CTDSP1: variants seen among roughly 807,000 people sequenced by gnomAD.
The protein encoded by CTDSP1 is carboxy-terminal domain RNA polymerase II polypeptide A small phosphatase 1.
CTDSP1 carries 15 observed loss-of-function variants against 32.5 expected under a neutral mutation model. The ratio of observed to expected loss-of-function variants is 0.46; its 90% CI spans 0.31 to 0.71. The LOEUF (loss-of-function observed/expected upper bound fraction) is 0.71. Ranked by LOEUF, CTDSP1 falls within the 30% of genes least tolerant of loss-of-function variation. The pLI is 0.05. For synonymous variants in CTDSP1, 185 were observed against 145.4 expected, an observed-to-expected ratio of 1.27 and a Z score of -1.96; for missense variants, 294 against 351.1, an observed-to-expected ratio of 0.84 and a Z score of 1.30.
intron 2 of CTDSP1, 22 bp downstream of exon 2, chr2:218,401,734 CCACGGGGG>C: frequency 6.5e-7 from 1 of 1,534,492 alleles, no homozygotes; most frequent in Non-Finnish European, 8.8e-7. Flanking sequence ...CCAGGTGGGG[CCACGGGGG>C]CACCTGGACT....
At position 218,401,537 on chromosome 2, in the gene CTDSP1, C is replaced by T. The variant is rs2227248; in HGVS notation, c.68-27C>T. Reference sequence around the variant, plus strand: ...ATTCTGCAGGCCAGTGTGCACCGAGCCTCCAACTTGTGCCTCCCTACTTCA... The same window carrying T: ...ATTCTGCAGGCCAGTGTGCACCGAGTCTCCAACTTGTGCCTCCCTACTTCA... On this transcript the variant is annotated intron_variant, in intron 1 of 6. Coordinates refer to ENST00000273062, the MANE Select transcript of CTDSP1 (RefSeq NM_021198.3). 1.4e-5 allele frequency: 22 copies of T among 1,612,458 alleles called. No individual in the cohort carries two copies. In the Admixed American group the frequency reaches 3.2e-4, roughly 23 times the overall value.
At chr2:218,402,521 C>T (rs1308508552) in intron 4 of CTDSP1, 116 bp downstream of exon 4, 2 of 1,080,440 alleles carry the variant, frequency 1.9e-6, no homozygotes, top group African/African-American at 1.6e-5. Context: ...TGTCAGAGGC[C>T]CAGAGAGGGT....
chr2:218,403,503 C>T, intron 6 of CTDSP1, 86 bp downstream of exon 6: 1 of 1,304,042 alleles, frequency 7.7e-7, no homozygotes, highest in Non-Finnish European at 1.0e-6. Context: ...CCTCTTGGAT[C>T]CCCAGTTGGG....
chr2:218,402,183 C>T lies in CTDSP1; in HGVS notation c.289C>T (p.Leu97=), dbSNP rs1697179079. The T allele has an allele frequency of 6.2e-7, 1 of 1,613,664 alleles. No homozygotes were observed. Among genetic ancestry groups the T allele is most frequent in the Admixed American group, 1.7e-5 (1 of 59,992 alleles). ...AGACAAGATCTGCGTGGTCATCGAC[C>T]TGGACGAGACCCTGGTGCACAGCTC... is the stretch of plus-strand genomic sequence containing the variant. ...DSDKICVVID[L]DETLVHSSFK... Residue 97 remains leucine (L), a synonymous_variant, in exon 3 of 7, where the codon CTG becomes TTG. Transcript: ENST00000273062.
At chr2:218,400,422 G>A (rs1697061725) in intron 1 of CTDSP1, 1 of 569,744 alleles carries the variant, frequency 1.8e-6, no homozygotes, top group Non-Finnish European at 3.2e-6. Flanking sequence ...CTCTTCGGGG[G>A]TTTCCTGGCA....
chr2:218,401,032 C>T, intron 1 of CTDSP1: 1 of 430,016 alleles, frequency 2.3e-6, no homozygotes, highest in South Asian at 1.6e-5. Flanking sequence ...GGTCGGAGGT[C>T]TGGGCGGGGC....
At chr2:218,398,583 C>A, upstream of CTDSP1, 1 of 764,670 alleles carries the variant, frequency 1.3e-6, no homozygotes, top group Non-Finnish European at 1.9e-6. Flanking sequence ...CCCTCCCGGC[C>A]CCCGCGCGGG....
rs532240927 is a variant in CTDSP1, at chr2:218,401,604, G to A, written c.108G>A (p.Arg36=). Residue 36 remains arginine, a synonymous_variant, in exon 2 of 7, where the codon CGG becomes CGA. Coordinates refer to ENST00000273062, the MANE Select transcript of CTDSP1 (RefSeq NM_021198.3). ...CAGCTTCCCAGAAGCCCCGAAGCCG[G>A]GGCATCCTCCACTCACTCTTCTGCT... is the stretch of plus-strand genomic sequence containing the variant. ...KSAASQKPRS[R]GILHSLFCCV... is the part of the protein sequence containing the mutation. 1 of 1,613,832 alleles carries A rather than the reference G, an allele frequency of 6.2e-7. No individual in the cohort carries two copies. Among genetic ancestry groups the A allele is most frequent in the Non-Finnish European group, 8.5e-7 (1 of 1,179,968 alleles).
chr2:218,401,887 C>T (rs867598212), intron 2 of CTDSP1, among the ~76,000 whole-genome samples, 175 bp downstream of exon 2: 4 of 152,206 alleles, frequency 2.6e-5, no homozygotes, highest in South Asian at 2.1e-4. Context: ...ACTGAATTCT[C>T]CCTCATAAGT....
chr2:218,402,987 C>A, intron 4 of CTDSP1, 48 bp from the exon 5 acceptor site: 2 of 1,441,282 alleles, frequency 1.4e-6, no homozygotes, highest in East Asian at 2.3e-5. Context: ...TCGGCCACCC[C>A]CACACTGCCC....
Position 218,400,016 on chromosome 2 carries a change from C to T in CTDSP1, c.-75C>T. The T allele has an allele frequency of 1.5e-6, 2 of 1,326,212 alleles. No individual in the cohort carries two copies. Among genetic ancestry groups the T allele is most frequent in the African/African-American group, 3.1e-5 (2 of 64,406 alleles). 82.2% of individuals were successfully genotyped at this position (1,326,212 alleles called of 1,614,324 possible). On this transcript the variant is annotated 5_prime_UTR_variant, in exon 1 of 7. Transcript: ENST00000273062. ...CACCCCTCCCCTCCCCCCCGCGCCC[C>T]GATTCCGGCCCCAGCCGGGGGGGAG... is the stretch of plus-strand genomic sequence containing the variant.
At chr2:218,402,988 C>T (rs749531944) in intron 4 of CTDSP1, 47 bp from the exon 5 acceptor site, 1 of 1,445,760 alleles carries the variant, frequency 6.9e-7, no homozygotes. Context: ...CGGCCACCCC[C>T]ACACTGCCCC....
In CTDSP1 at chr2:218,403,242, C is replaced by T; in HGVS notation, c.482C>T (p.Pro161Leu). ...FTASLAKYAD[P>L]VADLLDKWGA... Reference sequence around the variant, plus strand: ...ACCTCCTGCTCCCAGTACGCAGACCCAGTAGCTGACCTGCTGGACAAATGG... The same window carrying T: ...ACCTCCTGCTCCCAGTACGCAGACCTAGTAGCTGACCTGCTGGACAAATGG... The change falls in exon 6 of 7, where the codon CCA becomes CTA. Residue 161 changes from proline (P) to leucine (L), a missense_variant. Pro to Leu is a moderately conservative substitution (Grantham distance 98). Transcript: ENST00000273062. 6.2e-7 allele frequency: 1 copy of T among 1,612,716 alleles called. No individual in the cohort carries two copies.
intron 1 of CTDSP1, chr2:218,400,361 G>A (rs1378030684): frequency 1.5e-5 from 10 of 678,524 alleles, no homozygotes; most frequent in Non-Finnish European, 2.7e-5. Context: ...CGCCTTTGGG[G>A]CGCTCCTGTT....
chr2:218,402,467 C>A, intron 4 of CTDSP1, 62 bp downstream of exon 4: 1 of 1,527,816 alleles, frequency 6.5e-7, no homozygotes, highest in Non-Finnish European at 9.0e-7. Context: ...AGGCTCTTCC[C>A]ACCAATCCGG....
upstream of CTDSP1, among the ~76,000 whole-genome samples, chr2:218,397,764 C>T (rs566247660): frequency 1.6e-4 from 24 of 152,298 alleles, no homozygotes; most frequent in Non-Finnish European, 3.2e-4. Context: ...CCCCTCCCCC[C>T]ACGCAATCCT....
intron 2 of CTDSP1, 31 bp downstream of exon 2, chr2:218,401,743 C>T: frequency 2.6e-6 from 4 of 1,521,214 alleles, no homozygotes; most frequent in South Asian, 1.3e-5. Flanking sequence ...GCCACGGGGG[C>T]ACCTGGACTC....
intron 2 of CTDSP1, 128 bp from the exon 3 acceptor site, chr2:218,401,983 T>A: frequency 1.4e-6 from 1 of 740,734 alleles, no homozygotes; most frequent in South Asian, 1.7e-5. Context: ...GGGGCAAAGC[T>A]GGGAAGGGGG....
At position 218,399,940 on chromosome 2, in the gene CTDSP1, C is replaced by G. The variant is rs976972132; in HGVS notation, c.-151C>G. 7 of 1,166,714 alleles carry G rather than the reference C, an allele frequency of 6.0e-6. No homozygotes were observed. The highest frequency in any genetic ancestry group is 1.7e-5 in the African/African-American group (1 of 60,606). The allele number at this position is 1,166,714 out of a possible 1,614,324, so 72.3% of individuals were successfully genotyped here. A position where few individuals can be genotyped will look rare whatever the true frequency, so the allele number is the denominator to read the frequency against. On this transcript the variant is annotated 5_prime_UTR_variant, in exon 1 of 7. Coordinates refer to ENST00000273062, the MANE Select transcript of CTDSP1 (RefSeq NM_021198.3). The stretch of plus-strand genomic sequence containing the variant: ...CCGCGCCCCCTCCCTCCCCCTCCCC[C>G]CTAGAACCTGGCTCCCCTCCCCTCC...
Sources: allele counts gnomAD v4.1 joint callset (sites outside exome capture counted in the v4.1 genomes callset), GRCh38; gene constraint gnomAD v4.1.1; transcripts MANE v1.5; gene names NCBI Gene and HGNC (gene_info 2026-07-23, HGNC 2026-07-21).